DNAH10: variants seen among roughly 807,000 people sequenced by gnomAD.
The protein encoded by DNAH10 is dynein axonemal heavy chain 10, also known as axonemal beta dynein heavy chain 10.
A neutral mutation model predicts 506.6 loss-of-function variants in DNAH10; 348 were observed. The observed-to-expected ratio is 0.69, with a 90% CI of 0.63 to 0.75. The LOEUF is 0.75. Ranked by LOEUF, DNAH10 falls within the 30% of genes least tolerant of loss-of-function variation. The pLI is 0.00. For missense variants in DNAH10, 5,179 were observed against 5,787.1 expected, an observed-to-expected ratio of 0.89 and a Z score of 3.41; for synonymous variants, 2,059 against 2,198.6, an observed-to-expected ratio of 0.94 and a Z score of 1.78.
intron 49 of DNAH10, 105 bp downstream of exon 49, chr12:123,879,462 G>A (rs758120997): frequency 8.9e-6 from 13 of 1,458,046 alleles, no homozygotes; most frequent in East Asian, 4.9e-5. Context: ...AAATAGGCAC[G>A]AAAGGTCAAT....
chr12:123,887,969 C>T (rs1952813731), intron 52 of DNAH10, among the ~76,000 whole-genome samples: 1 of 152,162 alleles, frequency 6.6e-6, no homozygotes, highest in Non-Finnish European at 1.5e-5. Context: ...TGGTCTCGAT[C>T]TCCTGACCTT....
At chr12:123,826,993 A>G (rs1960063833) in intron 25 of DNAH10, 95 bp downstream of exon 25, 3 of 1,157,918 alleles carry the variant, frequency 2.6e-6, no homozygotes, top group Non-Finnish European at 3.6e-6. Flanking sequence ...TCTGATGATG[A>G]AGCACACAAT....
rs186092280 is a variant in DNAH10 at position 123,848,958 on chromosome 12, G to A, written c.6102+76G>A. ...AAGTATGGTAAGCTTCCTCTGTAGC[G>A]TCAGTTTCTGGGCCGTTGACACTCC... is the stretch of plus-strand genomic sequence containing the variant. On this transcript the variant is annotated intron_variant, in intron 34 of 78. Coordinates refer to ENST00000673944, the MANE Select transcript of DNAH10 (RefSeq NM_001372106.1). 137 of 1,550,522 alleles carry A rather than the reference G, an allele frequency of 8.8e-5. No homozygotes were observed. In the African/African-American group the frequency reaches 1.4e-3, roughly 15 times the overall value.
At chr12:123,890,098 G>A (rs1314935318) in intron 52 of DNAH10, among the ~76,000 whole-genome samples, 1 of 152,192 alleles carries the variant, frequency 6.6e-6, no homozygotes, top group Non-Finnish European at 1.5e-5. Context: ...CCATTGGCCG[G>A]TTCCTGGGCT....
intron 21 of DNAH10, among the ~76,000 whole-genome samples, chr12:123,816,729 C>A (rs1018791483): frequency 6.6e-6 from 1 of 152,140 alleles, no homozygotes; most frequent in East Asian, 1.9e-4. Context: ...ACCCTGGGCA[C>A]CTAATACTTG....
In DNAH10 at chr12:123,850,141, G is replaced by T. The variant is rs1424862424; in HGVS notation, c.6103-747G>T. The stretch of plus-strand genomic sequence containing the variant: ...TTTGGGGGAGGCTGGCTGTCTTCCG[G>T]GCTGCCCTCTCGTTGGTGATGCAGA... On this transcript the variant is annotated intron_variant, in intron 34 of 78. Coordinates refer to ENST00000673944, the MANE Select transcript of DNAH10 (RefSeq NM_001372106.1). This position sits in a 1 kb window ranked among gnomAD's most constrained non-coding sequence, Gnocchi z 5.5. Among the ~76,000 whole-genome samples the T allele has an allele frequency of 2.6e-5, 4 of 152,160 alleles. No homozygotes were observed. The East Asian group carries it at 5.8e-4, about 22-fold the overall frequency.
At chr12:123,857,737 A>G (rs943486429) in intron 37 of DNAH10, among the ~76,000 whole-genome samples, 1 of 152,242 alleles carries the variant, frequency 6.6e-6, no homozygotes, top group Non-Finnish European at 1.5e-5. Context: ...AAAAAATAAA[A>G]GAAAAAAGAA....
chr12:123,796,311 G>C (rs1374612421), intron 12 of DNAH10, among the ~76,000 whole-genome samples: 2 of 152,076 alleles, frequency 1.3e-5, no homozygotes, highest in Admixed American at 6.6e-5. Flanking sequence ...ACAAAAATTA[G>C]CTGGGCATAG....
chr12:123,841,211 C>T lies in DNAH10; in HGVS notation c.5137-111C>T, dbSNP rs74389883. 1.0e-3 allele frequency: 1,116 copies of T among 1,096,410 alleles called. 8 individuals carry two copies. The African/African-American group carries it at 0.014, about 14-fold the overall frequency. The allele number at this position is 1,096,410 out of a possible 1,614,324, so 67.9% of individuals were successfully genotyped here. A position where few individuals can be genotyped will look rare whatever the true frequency, so the allele number is the denominator to read the frequency against. On this transcript the variant is annotated intron_variant, in intron 29 of 78. Coordinates refer to ENST00000673944, the MANE Select transcript of DNAH10 (RefSeq NM_001372106.1). ...CATCTTGCCTGCGATCTCGGCTCACCGGTTGCCATTGCTTGCATCGTGGCA... is the reference window on the plus strand; with the variant it reads ...CATCTTGCCTGCGATCTCGGCTCACTGGTTGCCATTGCTTGCATCGTGGCA...
At chr12:123,821,045 TTCGAGGTCAGTCTGGCCAAC>T in intron 24 of DNAH10, among the ~76,000 whole-genome samples, 1 of 151,912 alleles carries the variant, frequency 6.6e-6, no homozygotes, top group Middle Eastern at 3.4e-3. Context: ...CGGTCAGGAG[TTCGAGGTCAGTCTGGCCAAC>T]GTGGTGAAAC....
Position 123,774,248 on chromosome 12 carries a change from A to G in DNAH10, c.605A>G (p.Lys202Arg), listed in dbSNP as rs1484127423. 6.3e-7 allele frequency: 1 copy of G among 1,598,154 alleles called. No individual in the cohort carries two copies. Among genetic ancestry groups the G allele is most frequent in the Admixed American group, 1.8e-5 (1 of 55,922 alleles). ...AACGCTAATGTGCTCCATTTTCTGA[A>G]GAATATTATATGTCAGGTAAACATG... ...IINANVLHFL[K>R]NIICQVFLPA... The change falls in exon 5 of 79, where the codon AAG (lysine) becomes AGG (arginine). Residue 202 changes from lysine (K) to arginine (R), a missense_variant. Lys to Arg is a conservative substitution (Grantham distance 26). Coordinates refer to ENST00000673944, the MANE Select transcript of DNAH10 (RefSeq NM_001372106.1).
In DNAH10 at chr12:123,826,586, C is replaced by T. The variant is rs1297648675; in HGVS notation, c.4180-101C>T. 10 of 1,059,760 alleles carry T rather than the reference C, an allele frequency of 9.4e-6. No homozygotes were observed. The African/African-American group carries it at 1.4e-4, about 15-fold the overall frequency. The allele number at this position is 1,059,760 out of a possible 1,614,324, so 65.6% of individuals were successfully genotyped here. The stretch of plus-strand genomic sequence containing the variant: ...GGTAGTTGTAGATAGATGGGTAATA[C>T]TTTAAAATATCTGAACGTGACTAAG... On this transcript the variant is annotated intron_variant, in intron 24 of 78. Transcript: ENST00000673944.
chr12:123,867,775 G>A lies in DNAH10; in HGVS notation c.7303-128G>A, dbSNP rs1339273856. Reference sequence around the variant, plus strand: ...CAAGTCAAGATACTGGGTTCCATCTGTCTGAACCAACATGTTGGGTCTTAT... The same window carrying A: ...CAAGTCAAGATACTGGGTTCCATCTATCTGAACCAACATGTTGGGTCTTAT... On this transcript the variant is annotated intron_variant, in intron 42 of 78. Transcript: ENST00000673944. The A allele has an allele frequency of 3.0e-6, 4 of 1,331,176 alleles. No individual in the cohort carries two copies. The Admixed American group carries it at 9.4e-5, about 31-fold the overall frequency. The allele number at this position is 1,331,176 out of a possible 1,614,324, so 82.5% of individuals were successfully genotyped here.
chr12:123,929,746 AC>A lies in DNAH10; in HGVS notation c.12601del (p.Leu4201Ter). The A allele has an allele frequency of 6.2e-7, 1 of 1,612,276 alleles. No individual in the cohort carries two copies. Among genetic ancestry groups the A allele is most frequent in the Non-Finnish European group, 8.5e-7 (1 of 1,179,216 alleles). On this transcript the variant is annotated frameshift_variant, in exon 72 of 79. Transcript: ENST00000673944. LOFTEE classifies it high-confidence loss of function. ...DPRIPWGSLK[Y>X]LIGEVMYGGR... ...AGGATCCCGTGGGGCAGCCTCAAGT[AC>A]CTAATTGGAGAGGTAGGGGTGACCG...
chr12:123,790,253 A>G, intron 11 of DNAH10, 132 bp downstream of exon 11: 1 of 883,524 alleles, frequency 1.1e-6, no homozygotes, highest in Non-Finnish European at 1.7e-6. Context: ...ATTAATTATA[A>G]AAAACAAAAA....
intron 42 of DNAH10, 107 bp downstream of exon 42, chr12:123,867,708 T>C (rs1951867025): frequency 6.6e-7 from 1 of 1,518,864 alleles, no homozygotes; most frequent in Non-Finnish European, 8.9e-7. Context: ...AACAGTAGCA[T>C]TGTTGGTCAG....
chr12:123,867,354 T>C (rs1951851181), intron 41 of DNAH10, 113 bp from the exon 42 acceptor site: 1 of 1,176,672 alleles, frequency 8.5e-7, no homozygotes, highest in Non-Finnish European at 1.2e-6. Flanking sequence ...CTGCCAAATG[T>C]ATCATTCATC....
In DNAH10 at chr12:123,804,999, GGA is replaced by G. The variant is rs1318232020; in HGVS notation, c.2947_2948del (p.Glu983LysfsTer5). ...AGCTGGCCTCCTACTACAAATACTG[GGA>G]AAAGAAAATTTATGAGGTCCTGACA... ...PKLASYYKYW[E>X]KKIYEVLTKL... On this transcript the variant is annotated frameshift_variant, in exon 18 of 79. Coordinates refer to ENST00000673944, the MANE Select transcript of DNAH10 (RefSeq NM_001372106.1). LOFTEE classifies it high-confidence loss of function. 1.9e-6 allele frequency: 3 copies of G among 1,614,114 alleles called. No homozygotes were observed. Among genetic ancestry groups the G allele is most frequent in the Admixed American group, 3.3e-5 (2 of 60,012 alleles).
At position 123,885,759 on chromosome 12, in the gene DNAH10, T is replaced by C. The variant is rs554088353; in HGVS notation, c.8824-1383T>C. On this transcript the variant is annotated intron_variant, in intron 51 of 78. Coordinates refer to ENST00000673944, the MANE Select transcript of DNAH10 (RefSeq NM_001372106.1). ...TTCACATATTCTTGCCAATACTAGA[T>C]ATTGTCATGCTGATATTTGTCAAGA... is the stretch of plus-strand genomic sequence containing the variant. 3.9e-5 allele frequency among the ~76,000 whole-genome samples: 6 copies of C among 152,364 alleles called. No homozygotes were observed. In the South Asian group the frequency reaches 1.2e-3, roughly 32 times the overall value.
Sources: gnomAD v4.1 joint callset for allele counts (sites outside exome capture counted in the v4.1 genomes callset) on GRCh38, gnomAD v4.1.1 for gene constraint, Gnocchi (gnomAD v3.1) non-coding constraint, MANE v1.5 for transcripts, NCBI Gene and HGNC (gene_info 2026-07-23, HGNC 2026-07-21) for gene names.